The following CDHR1 variants were observed in gnomAD, a reference collection of about 807,000 sequenced individuals.
The protein encoded by CDHR1 is cadherin-related family member 1.
Under a neutral mutation model 72.1 loss-of-function variants are expected in CDHR1, and 61 were observed. That is an observed-to-expected ratio of 0.85 (90% CI 0.69 to 1.05). The LOEUF is 1.05. Among genes scored for constraint, CDHR1 ranks in the 50% least tolerant of loss-of-function variants. The pLI, the probability that CDHR1 is intolerant of heterozygous loss-of-function variation, is 0.00. For missense variants in CDHR1, 1,186 were observed against 1,115.7 expected (o/e 1.06, Z -0.90); for synonymous variants, 470 against 448.1 (o/e 1.05, Z -0.62).
At chr10:84,208,105 G>A (rs1842259819) in intron 10 of CDHR1, 69 bp from the exon 11 acceptor site, 16 of 1,349,136 alleles carry the variant, frequency 1.2e-5, no homozygotes, top group Non-Finnish European at 1.7e-5. Flanking sequence ...ATTCTGCAGG[G>A]GAGGTAGGAG....
In CDHR1 at chr10:84,205,914, A is replaced by G; in HGVS notation, c.950A>G (p.Glu317Gly). 6.2e-7 allele frequency: 1 copy of G among 1,613,326 alleles called. No homozygotes were observed. Among genetic ancestry groups the G allele is most frequent in the Non-Finnish European group, 8.5e-7 (1 of 1,179,310 alleles). ...SPAQLQREVYELHVQVTEMSP... is the reference protein window; with the variant it reads ...SPAQLQREVYGLHVQVTEMSP... The stretch of plus-strand genomic sequence containing the variant: ...GCCCAGCTCCAGAGAGAGGTGTATG[A>G]GCTGCATGTACAGGTACCCTCCCTC... Residue 317 changes from glutamate to glycine, a missense_variant, in exon 10 of 17, where the codon GAG (glutamate) becomes GGG (glycine). Coordinates refer to ENST00000623527, the MANE Select transcript of CDHR1 (RefSeq NM_033100.4).
chr10:84,214,530 A>G lies in CDHR1; in HGVS notation c.2489A>G (p.Lys830Arg). The change falls in exon 17 of 17, where the codon AAA becomes AGA. Residue 830 changes from lysine (K) to arginine (R), a missense_variant. Physicochemically the swap from Lys to Arg is conservative, Grantham distance 26. Transcript: ENST00000623527. ...PQPTQPPPKP[K>R]TMGSPVQSTL... ...CCGACCCAACCCCCGCCAAAACCCA[A>G]AACTATGGGAAGCCCCGTCCAGTCA... The G allele has an allele frequency of 1.2e-6, 2 of 1,603,130 alleles. No individual in the cohort carries two copies. The highest frequency in any genetic ancestry group is 1.7e-6 in the Non-Finnish European group (2 of 1,179,826).
In CDHR1 at chr10:84,203,112, G is replaced by C. The variant is rs1842159842; in HGVS notation, c.772G>C (p.Asp258His). Residue 258 changes from aspartate to histidine, a missense_variant, in exon 8 of 17, where the codon GAC (aspartate) becomes CAC (histidine). Asp to His is a moderately conservative substitution (Grantham distance 81, BLOSUM62 -1). Coordinates refer to ENST00000623527, the MANE Select transcript of CDHR1 (RefSeq NM_033100.4). ...ACCCTACTATGGCTATGTGTACGAG[G>C]ACACCCTTCCGGTGGGTGGCTGTCC... Reference protein sequence around the residue: ...GTPYYGYVYEDTLPGSEVLKV... With the variant: ...GTPYYGYVYEHTLPGSEVLKV... 6.2e-7 allele frequency: 1 copy of C among 1,614,184 alleles called. No individual in the cohort carries two copies. The highest frequency in any genetic ancestry group is 1.3e-5 in the African/African-American group (1 of 75,046).
chr10:84,208,026 C>A, intron 10 of CDHR1, 148 bp from the exon 11 acceptor site: 1 of 710,080 alleles, frequency 1.4e-6, no homozygotes, highest in Non-Finnish European at 2.5e-6. Flanking sequence ...AGCTTGCCAT[C>A]TTTGCCATAT....
intron 15 of CDHR1, among the ~76,000 whole-genome samples, chr10:84,212,669 G>A (rs1842356857): frequency 6.6e-6 from 1 of 152,230 alleles, no homozygotes; most frequent in African/African-American, 2.4e-5. Flanking sequence ...TGGTCTGCCT[G>A]CTTTTCAAAA....
In CDHR1 at chr10:84,212,045, A is replaced by C. The variant is rs1029372587; in HGVS notation, c.1554-134A>C. ...TTAGATTGCAAGGATAGGAGGGAGCAGGTAGGACACTTTGGAGGAGCTGCA... is the reference window on the plus strand; with the variant it reads ...TTAGATTGCAAGGATAGGAGGGAGCCGGTAGGACACTTTGGAGGAGCTGCA... On this transcript the variant is annotated intron_variant, in intron 14 of 16. Transcript: ENST00000623527. 3 of 784,386 alleles carry C rather than the reference A, an allele frequency of 3.8e-6. No homozygotes were observed. The Admixed American group carries it at 5.9e-5, about 15-fold the overall frequency. 48.6% of individuals were successfully genotyped at this position (784,386 alleles called of 1,614,324 possible).
chr10:84,218,086 C>T lies in CDHR1; in HGVS notation c.*3465C>T. On this transcript the variant is annotated 3_prime_UTR_variant, in exon 17 of 17. Coordinates refer to ENST00000623527, the MANE Select transcript of CDHR1 (RefSeq NM_033100.4). ...AGGGGTGTTGGCATCTGTTGACAGGCAGTGGCACATCCTGACAGTCTTCAA... is the reference window on the plus strand; with the variant it reads ...AGGGGTGTTGGCATCTGTTGACAGGTAGTGGCACATCCTGACAGTCTTCAA... 1 of 985,458 alleles carries T rather than the reference C, an allele frequency of 1.0e-6. No individual in the cohort carries two copies. The highest frequency in any genetic ancestry group is 1.2e-6 in the Non-Finnish European group (1 of 829,944). 61.0% of individuals were successfully genotyped at this position (985,458 alleles called of 1,614,324 possible). A position where few individuals can be genotyped will look rare whatever the true frequency, so the allele number is the denominator to read the frequency against.
Position 84,204,538 on chromosome 10 carries a change from A to T in CDHR1, c.795A>T (p.Val265=), listed in dbSNP as rs1157387555. Residue 265 remains valine (V), a synonymous_variant, in exon 9 of 17, where the codon GTA becomes GTT. Coordinates refer to ENST00000623527, the MANE Select transcript of CDHR1 (RefSeq NM_033100.4). ...CCTGTTTCCCCGAGGGCTCGGAGGTACTGAAGGTGGTCGCCATGGATGGAG... is the reference window on the plus strand; with the variant it reads ...CCTGTTTCCCCGAGGGCTCGGAGGTTCTGAAGGTGGTCGCCATGGATGGAG... ...VYEDTLPGSE[V]LKVVAMDGDR... is the part of the protein sequence containing the mutation. 1.2e-6 allele frequency: 2 copies of T among 1,612,586 alleles called. No homozygotes were observed. The highest frequency in any genetic ancestry group is 1.7e-6 in the Non-Finnish European group (2 of 1,178,688).
At chr10:84,209,024 CT>C in intron 12 of CDHR1, 143 bp downstream of exon 12, 1 of 924,390 alleles carries the variant, frequency 1.1e-6, no homozygotes, top group Non-Finnish European at 1.7e-6. Context: ...TCTGCCCCTC[CT>C]GCAGATTGCT....
At position 84,218,248 on chromosome 10, in the gene CDHR1, C is replaced by T. The variant is rs1468312447; in HGVS notation, c.*3627C>T. On this transcript the variant is annotated 3_prime_UTR_variant, in exon 17 of 17. Coordinates refer to ENST00000623527, the MANE Select transcript of CDHR1 (RefSeq NM_033100.4). ...ACCTAGGGAGGGGTTCTCTGAAGGG[C>T]CTAGTTTCCAGAATGAGGCGGTCAT... 4.1e-6 allele frequency: 4 copies of T among 985,272 alleles called. No individual in the cohort carries two copies. Among genetic ancestry groups the T allele is most frequent in the Non-Finnish European group, 4.8e-6 (4 of 829,942 alleles). 61.0% of individuals were successfully genotyped at this position (985,272 alleles called of 1,614,324 possible). A position where few individuals can be genotyped will look rare whatever the true frequency, so the allele number is the denominator to read the frequency against.
At chr10:84,218,778 A>G, downstream of CDHR1, 2 of 1,002,972 alleles carry the variant, frequency 2.0e-6, no homozygotes, top group Non-Finnish European at 2.4e-6. Flanking sequence ...TATTACATAT[A>G]TATATTTATA....
rs975312982 is a variant in CDHR1 at position 84,217,508 on chromosome 10, C to T, written c.*2887C>T. 1.0e-6 allele frequency: 1 copy of T among 973,038 alleles called. No individual in the cohort carries two copies. The highest frequency in any genetic ancestry group is 1.2e-6 in the Non-Finnish European group (1 of 818,612). 60.3% of individuals were successfully genotyped at this position (973,038 alleles called of 1,614,324 possible). A position where few individuals can be genotyped will look rare whatever the true frequency, so the allele number is the denominator to read the frequency against. Reference sequence around the variant, plus strand: ...TGTGACTTTGGGCAAGAGGTCAAGTCTCTCTGGGCCTCACTTTCCTCATTA... The same window carrying T: ...TGTGACTTTGGGCAAGAGGTCAAGTTTCTCTGGGCCTCACTTTCCTCATTA... On this transcript the variant is annotated 3_prime_UTR_variant, in exon 17 of 17. Coordinates refer to ENST00000623527, the MANE Select transcript of CDHR1 (RefSeq NM_033100.4).
Position 84,208,711 on chromosome 10 carries a change from A to C in CDHR1, c.1168-18A>C, listed in dbSNP as rs1392890598. On this transcript the variant is annotated intron_variant, in intron 11 of 16. Coordinates refer to ENST00000623527, the MANE Select transcript of CDHR1 (RefSeq NM_033100.4). ...ATCATCATTCATCTTCCTTGTTTCCACTCTCCAAATTCTCTAGGGAGCCAA... is the reference window on the plus strand; with the variant it reads ...ATCATCATTCATCTTCCTTGTTTCCCCTCTCCAAATTCTCTAGGGAGCCAA... The C allele has an allele frequency of 6.2e-7, 1 of 1,612,278 alleles. No individual in the cohort carries two copies. The highest frequency in any genetic ancestry group is 8.5e-7 in the Non-Finnish European group (1 of 1,178,526).
rs142631189 is a variant in CDHR1, at chr10:84,201,853, G to A, written c.572G>A (p.Arg191His). The A allele has an allele frequency of 2.7e-5, 43 of 1,609,812 alleles. No homozygotes were observed. The highest frequency in any genetic ancestry group is 1.6e-4 in the Middle Eastern group (1 of 6,084). ...FAVDRHSGVL[R>H]LQAGATLDYE... ...GTGGACCGCCACAGCGGTGTGCTGC[G>A]CCTCCAGGCTGGGGCCACTCTGGAC... The change falls in exon 7 of 17, where the codon CGC (arginine) becomes CAC (histidine). Residue 191 changes from arginine (R) to histidine (H), a missense_variant. By Grantham distance (29) the Arg-to-His change is conservative (BLOSUM62 0). Coordinates refer to ENST00000623527, the MANE Select transcript of CDHR1 (RefSeq NM_033100.4).
chr10:84,213,168 C>A lies in CDHR1; in HGVS notation c.1860C>A (p.Phe620Leu). ...SITHAEPANV[F>L]DINSHTGEIW... ...CCCATGCAGAGCCCGCCAACGTGTTCGACATCAATTCCCACACGGGGGAGA... is the reference window on the plus strand; with the variant it reads ...CCCATGCAGAGCCCGCCAACGTGTTAGACATCAATTCCCACACGGGGGAGA... Residue 620 changes from phenylalanine to leucine, a missense_variant, in exon 16 of 17, where the codon TTC (phenylalanine) becomes TTA (leucine). Phe to Leu is a conservative substitution (Grantham distance 22). Transcript: ENST00000623527. The A allele has an allele frequency of 1.2e-6, 2 of 1,614,232 alleles. No homozygotes were observed. The highest frequency in any genetic ancestry group is 1.7e-6 in the Non-Finnish European group (2 of 1,180,046).
rs1363744905 is a variant in CDHR1 at position 84,204,592 on chromosome 10, C to G, written c.849C>G (p.Tyr283Ter). 1 of 1,612,620 alleles carries G rather than the reference C, an allele frequency of 6.2e-7. No homozygotes were observed. The highest frequency in any genetic ancestry group is 8.5e-7 in the Non-Finnish European group (1 of 1,178,654). ...GGGGCAAACCCAATCGAATTCTCTA[C>G]AGCCTTGTAAATGGTGAGTCTGAGC... is the stretch of plus-strand genomic sequence containing the variant. ...GDRGKPNRIL[Y>*]SLVNGNDGAF... The change falls in exon 9 of 17, where the codon TAC becomes TAG. Residue 283 changes from tyrosine (Y) to a stop codon, truncating the protein, a stop_gained. Coordinates refer to ENST00000623527, the MANE Select transcript of CDHR1 (RefSeq NM_033100.4). LOFTEE classifies it high-confidence loss of function.
In CDHR1 at chr10:84,205,813, A is replaced by G. The variant is rs775749241; in HGVS notation, c.863-14A>G. ...GGTCCTGTGCAGAACTTCAGGGTGCATCTCCCTTGACAGGGAACGATGGAG... is the reference window on the plus strand; with the variant it reads ...GGTCCTGTGCAGAACTTCAGGGTGCGTCTCCCTTGACAGGGAACGATGGAG... On this transcript the variant is annotated splice_polypyrimidine_tract_variant and intron_variant, in intron 9 of 16. Transcript: ENST00000623527. The G allele has an allele frequency of 6.3e-7, 1 of 1,592,464 alleles. No homozygotes were observed. Among genetic ancestry groups the G allele is most frequent in the South Asian group, 1.1e-5 (1 of 90,326 alleles).
downstream of CDHR1, chr10:84,219,045 AAC>A: frequency 2.6e-6 from 2 of 780,244 alleles, no homozygotes; most frequent in Middle Eastern, 4.8e-4. Flanking sequence ...TACAGGTGAG[AAC>A]ACTAATGTAC....
Position 84,214,507 on chromosome 10 carries a change from G to A in CDHR1, c.2466G>A (p.Pro822=), listed in dbSNP as rs764671246. The change falls in exon 17 of 17, where the codon CCG becomes CCA. Residue 822 remains proline (P), a synonymous_variant. Coordinates refer to ENST00000623527, the MANE Select transcript of CDHR1 (RefSeq NM_033100.4). ...PTVSGSLTPQ[P]TQPPPKPKTM... ...TCTCTGGCTCTCTCACTCCGCAGCC[G>A]ACCCAACCCCCGCCAAAACCCAAAA... 1 of 1,605,266 alleles carries A rather than the reference G, an allele frequency of 6.2e-7. No individual in the cohort carries two copies. Among genetic ancestry groups the A allele is most frequent in the Non-Finnish European group, 8.5e-7 (1 of 1,179,550 alleles).
Sources: gnomAD v4.1 joint callset for allele counts (sites outside exome capture counted in the v4.1 genomes callset) on GRCh38, gnomAD v4.1.1 for gene constraint, MANE v1.5 for transcripts, NCBI Gene and HGNC (gene_info 2026-07-23, HGNC 2026-07-21) for gene names.